DIP2C: variants seen among roughly 807,000 people sequenced by gnomAD.
DIP2C encodes disco-interacting protein 2 homolog C.
DIP2C carries 33 observed loss-of-function variants against 192.4 expected under a neutral mutation model. The ratio of observed to expected loss-of-function variants is 0.17; its 90% CI spans 0.13 to 0.23. The LOEUF is 0.23. DIP2C is among the 10% of genes least tolerant of loss of function. The pLI is 1.00. For synonymous variants in DIP2C, 979 were observed against 864.1 expected (o/e 1.13, Z -2.33); for missense variants, 1,537 against 2,110.1 (o/e 0.73, Z 5.32).
chr10:281,249 T>C lies in DIP2C; in HGVS notation c.4369A>G (p.Ile1457Val), dbSNP rs144394778. ...MELRGMRYHP[I>V]DIETSVIRAH... The stretch of plus-strand genomic sequence containing the variant: ...CTGATGACCGAGGTCTCAATGTCGA[T>C]TGGGTGGTACCGCATGCCCCGCAGC... Residue 1457 changes from isoleucine to valine, a missense_variant, in exon 36 of 37, where the codon ATC (isoleucine) becomes GTC (valine). This residue lies in a region of DIP2C where 341 missense variants were observed against 551.7 expected (regional missense o/e 0.62). Transcript: ENST00000280886. 2.2e-5 allele frequency: 35 copies of C among 1,614,096 alleles called. No homozygotes were observed. Among genetic ancestry groups the C allele is most frequent in the Non-Finnish European group, 2.6e-5 (31 of 1,180,048 alleles).
intron 3 of DIP2C, among the ~76,000 whole-genome samples, chr10:444,206 G>A (rs944031896): frequency 2.0e-5 from 3 of 151,750 alleles, no homozygotes; most frequent in African/African-American, 7.3e-5. Flanking sequence ...TCCATCACCC[G>A]AGACTCGTGT....
At chr10:346,328 G>A (rs1169862051) in intron 26 of DIP2C, among the ~76,000 whole-genome samples, 23 of 65,690 alleles carry the variant, frequency 3.5e-4, no homozygotes, top group African/African-American at 9.4e-4. Context: ...GACACATCGC[G>A]CATAGTTCTC....
chr10:392,289 C>T lies in DIP2C; in HGVS notation c.1261-1426G>A, dbSNP rs190094550. Among the ~76,000 whole-genome samples, 390 of 152,330 alleles carry T rather than the reference C, an allele frequency of 2.6e-3. 1 individual carries two copies. The highest frequency in any genetic ancestry group is 8.6e-3 in the African/African-American group (357 of 41,564). On this transcript the variant is annotated intron_variant, in intron 10 of 36. Coordinates refer to ENST00000280886, the MANE Select transcript of DIP2C (RefSeq NM_014974.3). ...TGCCGGGCCGAGGCAGGAGAACACG[C>T]GTGACTGTCACAAGACGGAGGAACG...
At chr10:491,059 AACAG>A (rs558791905) in intron 1 of DIP2C, among the ~76,000 whole-genome samples, 144 of 151,974 alleles carry the variant, frequency 9.5e-4, no homozygotes, top group Middle Eastern at 6.8e-3. Context: ...AAGATGACAG[AACAG>A]ACAGACACCC....
chr10:565,538 G>GT (rs1426017689), intron 1 of DIP2C, among the ~76,000 whole-genome samples: 1 of 151,998 alleles, frequency 6.6e-6, no homozygotes, highest in Non-Finnish European at 1.5e-5. Context: ...TTTTCCAATC[G>GT]TAAGAGAGGC....
At position 363,067 on chromosome 10, in the gene DIP2C, T is replaced by C; in HGVS notation, c.2592+130A>G. On this transcript the variant is annotated intron_variant, in intron 21 of 36. Coordinates refer to ENST00000280886, the MANE Select transcript of DIP2C (RefSeq NM_014974.3). The surrounding 1 kb of genome is among the most constrained non-coding windows in gnomAD (Gnocchi z 5.4). ...TCTGGACACTTGATGTAGTTCCTGA[T>C]CAAATGAAGGGAAGGGAAAAAGGGC... The C allele has an allele frequency of 1.3e-6, 1 of 746,018 alleles. No individual in the cohort carries two copies. Among genetic ancestry groups the C allele is most frequent in the Non-Finnish European group, 2.2e-6 (1 of 463,664 alleles). The allele number at this position is 746,018 out of a possible 1,614,324, so 46.2% of individuals were successfully genotyped here. A position where few individuals can be genotyped will look rare whatever the true frequency, so the allele number is the denominator to read the frequency against.
chr10:525,371 A>G (rs1357823989), intron 1 of DIP2C, among the ~76,000 whole-genome samples: 1 of 152,210 alleles, frequency 6.6e-6, no homozygotes, highest in Non-Finnish European at 1.5e-5. Flanking sequence ...CTGGATTGCA[A>G]AGGCTGAGAC....
intron 1 of DIP2C, among the ~76,000 whole-genome samples, chr10:591,770 G>T (rs561781376): frequency 3.3e-5 from 5 of 152,136 alleles, no homozygotes; most frequent in Admixed American, 6.5e-5. Flanking sequence ...CAACACAAAG[G>T]TACCACACCC....
intron 17 of DIP2C, among the ~76,000 whole-genome samples, chr10:375,432 CTT>C (rs1961448611): frequency 2.0e-5 from 3 of 152,224 alleles, no homozygotes; most frequent in Non-Finnish European, 4.4e-5. Flanking sequence ...AAATAAACCT[CTT>C]TTCCTTATAG....
At chr10:283,554 GT>G (rs757565216) in intron 34 of DIP2C, 108 bp from the exon 35 acceptor site, 59 of 1,345,546 alleles carry the variant, frequency 4.4e-5, no homozygotes, top group Non-Finnish European at 5.7e-5. Flanking sequence ...GATAGTAAAC[GT>G]TTCCTTGGAC....
At chr10:477,236 G>A (rs1290296947) in intron 2 of DIP2C, among the ~76,000 whole-genome samples, 6 of 121,906 alleles carry the variant, frequency 4.9e-5, no homozygotes, top group African/African-American at 6.7e-5. Flanking sequence ...ATGGAGGAAC[G>A]AATGGAGAAA....
chr10:458,628 G>C (rs1539228), intron 3 of DIP2C, among the ~76,000 whole-genome samples: 21,868 of 151,460 alleles, frequency 0.14, 3,969 homozygotes, highest in African/African-American at 0.43. Context: ...GCACACAGCA[G>C]AGTGCTCGGA....
At chr10:280,401 G>A (rs568321412) in intron 36 of DIP2C, among the ~76,000 whole-genome samples, 4 of 152,178 alleles carry the variant, frequency 2.6e-5, no homozygotes, top group South Asian at 2.1e-4. Context: ...GTTAGCACCC[G>A]GTCTGTTATC....
chr10:430,248 A>T (rs947636426), intron 4 of DIP2C: 117 of 152,290 alleles, frequency 7.7e-4, no homozygotes, highest in African/African-American at 2.5e-3. Context: ...TAAAGACAGG[A>T]TCTCAAAATG....
chr10:637,831 C>T (rs533623959), intron 1 of DIP2C, among the ~76,000 whole-genome samples: 5 of 152,346 alleles, frequency 3.3e-5, no homozygotes, highest in Admixed American at 1.3e-4. Flanking sequence ...ACCCAAGACC[C>T]GCTGAGTGCC....
chr10:499,568 T>C (rs1845084173), intron 1 of DIP2C, among the ~76,000 whole-genome samples: 1 of 152,046 alleles, frequency 6.6e-6, no homozygotes, highest in Non-Finnish European at 1.5e-5. Flanking sequence ...AATAGTACCA[T>C]ATAATATCTG....
At chr10:533,938 A>G (rs1233584505) in intron 1 of DIP2C, among the ~76,000 whole-genome samples, 1 of 152,086 alleles carries the variant, frequency 6.6e-6, no homozygotes, top group Non-Finnish European at 1.5e-5. Flanking sequence ...TAATAATGAA[A>G]TCACATGGAA....
At chr10:618,973 G>A (rs777717922) in intron 1 of DIP2C, among the ~76,000 whole-genome samples, 2 of 152,208 alleles carry the variant, frequency 1.3e-5, no homozygotes, top group Admixed American at 6.5e-5. Flanking sequence ...TTCCAGCTGA[G>A]GCTGCAGGAA....
intron 5 of DIP2C, among the ~76,000 whole-genome samples, chr10:420,329 C>T (rs922467799): frequency 5.3e-5 from 8 of 152,252 alleles, no homozygotes; most frequent in African/African-American, 1.9e-4. Flanking sequence ...CTGGACACGG[C>T]GTCGGCCCCT....
Sources: allele counts gnomAD v4.1 joint callset (sites outside exome capture counted in the v4.1 genomes callset), GRCh38; gene constraint gnomAD v4.1.1; regional missense constraint gnomAD v4.1.1; non-coding constraint Gnocchi (gnomAD v3.1); transcripts MANE v1.5; gene names NCBI Gene and HGNC (gene_info 2026-07-23, HGNC 2026-07-21).